The following SPACA1 variants were observed in gnomAD, a reference collection of about 807,000 sequenced individuals.
SPACA1 encodes sperm acrosome membrane-associated protein 1.
In SPACA1, 17 loss-of-function variants were observed where a neutral mutation model predicts 32.6. The observed-to-expected ratio is 0.52, with a 90% confidence interval of 0.36 to 0.78. The LOEUF (loss-of-function observed/expected upper bound fraction) is 0.78, where lower values mean the gene tolerates loss of function less well. Ranked by LOEUF, SPACA1 falls within the 30% of genes least tolerant of loss-of-function variation. The pLI is 0.01. For missense variants in SPACA1, 363 were observed against 373.4 expected, an observed-to-expected ratio of 0.97 and a Z score of 0.23; for synonymous variants, 140 against 138.1, an observed-to-expected ratio of 1.01 and a Z score of -0.10.
intron 1 of SPACA1, among the ~76,000 whole-genome samples, 192 bp from the exon 2 acceptor site, chr6:88,053,754 T>C (rs986764877): frequency 6.6e-6 from 1 of 152,208 alleles, no homozygotes; most frequent in African/African-American, 2.4e-5. Context: ...TGGACTTCTT[T>C]AGAGGTTTGA....
intron 4 of SPACA1, 118 bp from the exon 5 acceptor site, chr6:88,059,335 A>C: frequency 1.1e-6 from 1 of 870,892 alleles, no homozygotes; most frequent in Non-Finnish European, 1.7e-6. Flanking sequence ...TAGATCATTA[A>C]TTACTCAACT....
At chr6:88,049,623 T>A (rs984402456) in intron 1 of SPACA1, among the ~76,000 whole-genome samples, 4 of 152,218 alleles carry the variant, frequency 2.6e-5, no homozygotes, top group Non-Finnish European at 4.4e-5. Flanking sequence ...CCTTTAATTT[T>A]TTTTTAGTCA....
At chr6:88,058,613 TG>T in intron 3 of SPACA1, 102 bp from the exon 4 acceptor site, 1 of 746,956 alleles carries the variant, frequency 1.3e-6, no homozygotes, top group Non-Finnish European at 2.2e-6. Flanking sequence ...TACTCCAGCC[TG>T]GGTGACAGAA....
At position 88,053,933 on chromosome 6, in the gene SPACA1, C is replaced by T. The variant is rs1775767742; in HGVS notation, c.209-13C>T. 1.2e-6 allele frequency: 2 copies of T among 1,609,376 alleles called. No homozygotes were observed. Among genetic ancestry groups the T allele is most frequent in the Non-Finnish European group, 8.5e-7 (1 of 1,176,678 alleles). ...ATATAATTAAATAATGTATCTTTAC[C>T]CTTTATGTTTAGTTTCAAATAGGAA... On this transcript the variant is annotated splice_polypyrimidine_tract_variant and intron_variant, in intron 1 of 6. Coordinates refer to ENST00000237201, the MANE Select transcript of SPACA1 (RefSeq NM_030960.3).
At chr6:88,054,378 A>G (rs903228156) in intron 2 of SPACA1, among the ~76,000 whole-genome samples, 5 of 152,154 alleles carry the variant, frequency 3.3e-5, no homozygotes, top group African/African-American at 1.2e-4. Flanking sequence ...CTTATTTGTA[A>G]TAGTCCATTC....
intron 1 of SPACA1, among the ~76,000 whole-genome samples, chr6:88,053,567 A>G (rs1005113420): frequency 1.3e-5 from 2 of 152,194 alleles, no homozygotes; most frequent in African/African-American, 4.8e-5. Flanking sequence ...TTATACACTC[A>G]ATTTTGGAAA....
chr6:88,060,017 A>G (rs949674144), intron 5 of SPACA1, among the ~76,000 whole-genome samples: 2 of 152,230 alleles, frequency 1.3e-5, no homozygotes, highest in Admixed American at 6.5e-5. Flanking sequence ...TCAGTAAAGT[A>G]AATAAAATTA....
In SPACA1 at chr6:88,048,054, A is replaced by G. The variant is rs1041627570; in HGVS notation, c.149A>G (p.Glu50Gly). The G allele has an allele frequency of 1.2e-6, 2 of 1,604,108 alleles. No individual in the cohort carries two copies. The highest frequency in any genetic ancestry group is 1.7e-6 in the Non-Finnish European group (2 of 1,176,704). The change falls in exon 1 of 7, where the codon GAG becomes GGG. Residue 50 changes from glutamate (E) to glycine (G), a missense_variant. Transcript: ENST00000237201. ...GCCCACGAAGGCGAGGGCGAGGAGG[A>G]GACCGAAAACAACGACAGCGAGACC... ...GLAHEGEGEE[E>G]TENNDSETAE...
chr6:88,056,877 A>C (rs368664937), intron 2 of SPACA1, among the ~76,000 whole-genome samples: 48 of 152,342 alleles, frequency 3.2e-4, no homozygotes, highest in African/African-American at 1.2e-3. Context: ...TGTTACAAAA[A>C]GTGTGACAAT....
Position 88,048,107 on chromosome 6 carries a change from G to T in SPACA1, c.202G>T (p.Glu68Ter), listed in dbSNP as rs767321835. The T allele has an allele frequency of 6.3e-7, 1 of 1,587,958 alleles. No homozygotes were observed. The highest frequency in any genetic ancestry group is 2.3e-5 in the East Asian group (1 of 43,992). Residue 68 changes from glutamate (E) to a stop codon, truncating the protein, a stop_gained, in exon 1 of 7, where the codon GAG (glutamate) becomes TAG (stop). Coordinates refer to ENST00000237201, the MANE Select transcript of SPACA1 (RefSeq NM_030960.3). LOFTEE classifies it high-confidence loss of function. ...TAENYAPPET[E>*]DVSNRNVVKE... The stretch of plus-strand genomic sequence containing the variant: ...GGAGAACTACGCTCCGCCTGAAACC[G>T]AGGATGGTGAGGGCGGGAGCTCCCT...
chr6:88,066,469 G>A lies in SPACA1; in HGVS notation c.*134G>A. On this transcript the variant is annotated 3_prime_UTR_variant, in exon 7 of 7. Coordinates refer to ENST00000237201, the MANE Select transcript of SPACA1 (RefSeq NM_030960.3). ...ACAGTGTGAAGGAAATGCAGTGTGG[G>A]GATAGGACTATTTTATCAGTGCATT... 4.1e-6 allele frequency: 3 copies of A among 727,942 alleles called. No homozygotes were observed. The highest frequency in any genetic ancestry group is 6.0e-6 in the Non-Finnish European group (3 of 500,736). 45.1% of individuals were successfully genotyped at this position (727,942 alleles called of 1,614,324 possible). A position where few individuals can be genotyped will look rare whatever the true frequency, so the allele number is the denominator to read the frequency against.
chr6:88,063,435 T>G (rs531093918), intron 5 of SPACA1, among the ~76,000 whole-genome samples: 1 of 152,142 alleles, frequency 6.6e-6, no homozygotes, highest in African/African-American at 2.4e-5. Flanking sequence ...TAAACAAATC[T>G]TTACACAAGA....
intron 2 of SPACA1, among the ~76,000 whole-genome samples, chr6:88,056,815 T>C (rs1458504052): frequency 6.6e-6 from 1 of 152,178 alleles, no homozygotes; most frequent in Non-Finnish European, 1.5e-5. Context: ...TCAATTGTGG[T>C]GATGTGAGGC....
chr6:88,057,629 G>A lies in SPACA1; in HGVS notation c.283G>A (p.Val95Ile), dbSNP rs1775829056. The A allele has an allele frequency of 6.2e-7, 1 of 1,613,780 alleles. No individual in the cohort carries two copies. Among genetic ancestry groups the A allele is most frequent in the African/African-American group, 1.3e-5 (1 of 74,938 alleles). Residue 95 changes from valine to isoleucine, a missense_variant, in exon 3 of 7, where the codon GTT (valine) becomes ATT (isoleucine). Transcript: ENST00000237201. ...TVTCGIGVRE[V>I]ILTNGCPGGE... is the part of the protein sequence containing the mutation. ...AACCAAAGGTATTGGTGTTAGAGAAGTTATATTAACAAATGGATGCCCTGG... is the reference window on the plus strand; with the variant it reads ...AACCAAAGGTATTGGTGTTAGAGAAATTATATTAACAAATGGATGCCCTGG...
intron 2 of SPACA1, among the ~76,000 whole-genome samples, chr6:88,055,965 T>C (rs2127799652): frequency 6.6e-6 from 1 of 151,740 alleles, no homozygotes; most frequent in Non-Finnish European, 1.5e-5. Flanking sequence ...CGAGACTCCA[T>C]CTCAAAAACA....
In SPACA1 at chr6:88,066,351, T is replaced by C. The variant is rs1245059970; in HGVS notation, c.*16T>C. 1 of 1,593,866 alleles carries C rather than the reference T, an allele frequency of 6.3e-7. No homozygotes were observed. The highest frequency in any genetic ancestry group is 8.6e-7 in the Non-Finnish European group (1 of 1,169,130). ...GAATGAATGATGTTTGAATGATATA[T>C]AACAAACCAAAGGATATTACAGAAT... On this transcript the variant is annotated 3_prime_UTR_variant, in exon 7 of 7. Coordinates refer to ENST00000237201, the MANE Select transcript of SPACA1 (RefSeq NM_030960.3).
chr6:88,049,129 T>C (rs1028700446), intron 1 of SPACA1, among the ~76,000 whole-genome samples: 1 of 152,116 alleles, frequency 6.6e-6, no homozygotes, highest in Non-Finnish European at 1.5e-5. Context: ...TACAGAGAGC[T>C]TAAAAAGATC....
At chr6:88,064,269 TC>T (rs1480107077) in intron 6 of SPACA1, 50 bp downstream of exon 6, 1 of 1,562,402 alleles carries the variant, frequency 6.4e-7, no homozygotes, top group Non-Finnish European at 8.7e-7. Context: ...ATCCTCTTCT[TC>T]CCCCTCCTCA....
At chr6:88,055,440 AT>A (rs1323609838) in intron 2 of SPACA1, among the ~76,000 whole-genome samples, 1 of 152,226 alleles carries the variant, frequency 6.6e-6, no homozygotes, top group Non-Finnish European at 1.5e-5. Context: ...AAGGAAAAAA[AT>A]AAACTAGGAA....
Sources: gnomAD v4.1 joint callset for allele counts (sites outside exome capture counted in the v4.1 genomes callset) on GRCh38, gnomAD v4.1.1 for gene constraint, MANE v1.5 for transcripts, NCBI Gene and HGNC (gene_info 2026-07-23, HGNC 2026-07-21) for gene names.